Variants in MORC1 observed in about 807,000 individuals in gnomAD.
The protein encoded by MORC1 is MORC family CW-type zinc finger protein 1.
In MORC1, 59 loss-of-function variants were observed where a neutral mutation model predicts 134.9. The ratio of observed to expected loss-of-function variants is 0.44; its 90% CI spans 0.35 to 0.54. The LOEUF (loss-of-function observed/expected upper bound fraction) is 0.54, where lower values mean the gene tolerates loss of function less well. Among genes scored for constraint, MORC1 ranks in the 20% least tolerant of loss-of-function variants. The pLI is 0.00. For synonymous variants in MORC1, 395 were observed against 391.7 expected, an observed-to-expected ratio of 1.01 and a Z score of -0.10; for missense variants, 947 against 1,134.5, an observed-to-expected ratio of 0.83 and a Z score of 2.37.
intron 9 of MORC1, among the ~76,000 whole-genome samples, chr3:109,063,456 C>T (rs976878334): frequency 3.3e-5 from 5 of 151,852 alleles, no homozygotes; most frequent in South Asian, 2.1e-4. Context: ...TTCATGAGAG[C>T]GATAAGAAAA....
At chr3:108,969,881 T>C (rs183982606) in intron 25 of MORC1, among the ~76,000 whole-genome samples, 159 bp from the exon 26 acceptor site, 14 of 152,312 alleles carry the variant, frequency 9.2e-5, no homozygotes, top group African/African-American at 3.4e-4. Context: ...TCTAATTAAA[T>C]TAATTAACTA....
intron 16 of MORC1, among the ~76,000 whole-genome samples, chr3:109,030,271 G>A (rs773472904): frequency 6.6e-6 from 1 of 152,134 alleles, no homozygotes. Context: ...TTCTATCCAA[G>A]TCCAATGGCA....
intron 8 of MORC1, among the ~76,000 whole-genome samples, chr3:109,091,360 C>T (rs1295148635): frequency 2.0e-5 from 3 of 151,706 alleles, no homozygotes. Flanking sequence ...ATGAGAATCG[C>T]TTGAACCCAG....
chr3:109,071,136 G>A (rs180937614), intron 8 of MORC1, among the ~76,000 whole-genome samples: 307 of 152,264 alleles, frequency 2.0e-3, no homozygotes, highest in African/African-American at 7.0e-3. Context: ...ACCTTGGGAT[G>A]CTTGCCATTG....
Position 108,989,164 on chromosome 3 carries a change from C to T in MORC1, c.2188-2215G>A, listed in dbSNP as rs528868225. ...ACAAGAAAACAGACAGTTGTTTTTT[C>T]GATTATGTTATTTGTATATTTGATC... On this transcript the variant is annotated intron_variant, in intron 21 of 27. Coordinates refer to ENST00000232603, the MANE Select transcript of MORC1 (RefSeq NM_014429.4). Among the ~76,000 whole-genome samples the T allele has an allele frequency of 5.9e-5, 9 of 152,034 alleles. No individual in the cohort carries two copies. The East Asian group carries it at 9.7e-4, about 16-fold the overall frequency.
chr3:109,107,769 A>G lies in MORC1; in HGVS notation c.154+2980T>C, dbSNP rs529069518. Among the ~76,000 whole-genome samples the G allele has an allele frequency of 1.4e-4, 21 of 152,328 alleles. No individual in the cohort carries two copies. The South Asian group carries it at 4.4e-3, about 32-fold the overall frequency. On this transcript the variant is annotated intron_variant, in intron 3 of 27. Transcript: ENST00000232603. ...ATTTTTTTAAGAAAATCAGTTTGCT[A>G]GGTTGATAGCCATAAGATGGCTTGC...
chr3:109,046,357 CCTT>C (rs1383576546), intron 14 of MORC1, among the ~76,000 whole-genome samples: 3 of 152,178 alleles, frequency 2.0e-5, no homozygotes, highest in Non-Finnish European at 2.9e-5. Context: ...ATAAATTTGA[CCTT>C]CTTTTTTTAG....
intron 26 of MORC1, among the ~76,000 whole-genome samples, chr3:108,968,399 C>CT (rs1252859130): frequency 6.6e-6 from 1 of 152,154 alleles, no homozygotes; most frequent in African/African-American, 2.4e-5. Flanking sequence ...CCAGTCTGAA[C>CT]TTTAAATACT....
intron 24 of MORC1, among the ~76,000 whole-genome samples, chr3:108,977,454 C>A (rs567903948): frequency 2.0e-5 from 3 of 152,068 alleles, no homozygotes; most frequent in Non-Finnish European, 2.9e-5. Context: ...CTTGTTCAAG[C>A]AATCCTCCCA....
At chr3:108,975,885 T>C (rs1947537440) in intron 24 of MORC1, among the ~76,000 whole-genome samples, 1 of 152,132 alleles carries the variant, frequency 6.6e-6, no homozygotes, top group Non-Finnish European at 1.5e-5. Context: ...TACCACTAAC[T>C]TAACACCACT....
chr3:109,022,896 C>G (rs1345424597), intron 17 of MORC1, among the ~76,000 whole-genome samples: 4 of 152,066 alleles, frequency 2.6e-5, no homozygotes, highest in Admixed American at 1.3e-4. Flanking sequence ...ATATGGCAGA[C>G]AGATGAGACA....
chr3:109,011,674 A>T (rs547143372), intron 17 of MORC1, among the ~76,000 whole-genome samples: 16 of 152,168 alleles, frequency 1.1e-4, no homozygotes, highest in African/African-American at 3.6e-4. Context: ...GGCATGCGCC[A>T]CCACGCCTGG....
At chr3:109,100,560 C>T in intron 4 of MORC1, 53 bp from the exon 5 acceptor site, 3 of 1,374,934 alleles carry the variant, frequency 2.2e-6, no homozygotes, top group South Asian at 2.3e-5. Flanking sequence ...TGACACTGGC[C>T]TGAGGCCCAG....
rs200077629 is a variant in MORC1 at position 109,059,883 on chromosome 3, A to G, written c.967-13T>C. 5.0e-6 allele frequency: 8 copies of G among 1,608,316 alleles called. No homozygotes were observed. The highest frequency in any genetic ancestry group is 5.1e-6 in the Non-Finnish European group (6 of 1,176,932). On this transcript the variant is annotated splice_polypyrimidine_tract_variant and intron_variant, in intron 11 of 27. Transcript: ENST00000232603. ...TCTGTAATACATCCTGGAGAAATGC[A>G]TTGGTTGGGAGAGAACATAATGCCA...
chr3:109,079,503 T>C (rs143241565), intron 8 of MORC1, among the ~76,000 whole-genome samples: 17 of 152,182 alleles, frequency 1.1e-4, no homozygotes, highest in African/African-American at 3.8e-4. Context: ...TGAAAATACA[T>C]TTCTCAATTT....
intron 3 of MORC1, among the ~76,000 whole-genome samples, chr3:109,109,169 A>G (rs972126750): frequency 2.0e-4 from 31 of 152,058 alleles, no homozygotes; most frequent in African/African-American, 7.5e-4. Flanking sequence ...ACCACCCATG[A>G]AAAGCTGTAT....
intron 26 of MORC1, 49 bp from the exon 27 acceptor site, chr3:108,963,657 T>A: frequency 8.2e-7 from 1 of 1,219,768 alleles, no homozygotes; most frequent in Non-Finnish European, 1.1e-6. Context: ...AATATTACTT[T>A]CCCTCTAATA....
At chr3:109,035,889 G>C (rs939220681) in intron 14 of MORC1, among the ~76,000 whole-genome samples, 19 of 152,142 alleles carry the variant, frequency 1.2e-4, no homozygotes, top group African/African-American at 4.6e-4. Context: ...ACAGACAGAG[G>C]TGGGGTTTTT....
In MORC1 at chr3:108,958,544, A is replaced by G. The variant is rs567645450; in HGVS notation, c.*421T>C. 4 of 152,268 alleles carry G rather than the reference A, an allele frequency of 2.6e-5. No homozygotes were observed. Among genetic ancestry groups the G allele is most frequent in the Non-Finnish European group, 4.4e-5 (3 of 68,054 alleles). The allele number at this position is 152,268 out of a possible 1,614,324, so 9.4% of individuals were successfully genotyped here. A position where few individuals can be genotyped will look rare whatever the true frequency, so the allele number is the denominator to read the frequency against. On this transcript the variant is annotated 3_prime_UTR_variant, in exon 28 of 28. Transcript: ENST00000232603. ...AAGGGCATAATGTCTTTCTTTTTCAATATCTTCAAGAGGAGGTGATTCTGT... is the reference window on the plus strand; with the variant it reads ...AAGGGCATAATGTCTTTCTTTTTCAGTATCTTCAAGAGGAGGTGATTCTGT...
Sources: gnomAD v4.1 joint callset for allele counts (sites outside exome capture counted in the v4.1 genomes callset) on GRCh38, gnomAD v4.1.1 for gene constraint, MANE v1.5 for transcripts, NCBI Gene and HGNC (gene_info 2026-07-23, HGNC 2026-07-21) for gene names.